Variants in EPHB1 observed in about 807,000 individuals in gnomAD.
EPHB1 encodes the protein EPH receptor B1, also known as ephrin type-B receptor 1.
In EPHB1, 30 loss-of-function variants were observed where a neutral mutation model predicts 94.4. That is an observed-to-expected ratio of 0.32 (90% CI 0.24 to 0.43). The LOEUF is 0.43. Ranked by LOEUF, EPHB1 falls within the 20% of genes least tolerant of loss-of-function variation. EPHB1 has a pLI of 1.00. For synonymous variants in EPHB1, 522 were observed against 489.1 expected, an observed-to-expected ratio of 1.07 and a Z score of -0.89; for missense variants, 1,055 against 1,308.3, an observed-to-expected ratio of 0.81 and a Z score of 2.99.
intron 1 of EPHB1, among the ~76,000 whole-genome samples, chr3:134,901,832 C>A (rs918560979): frequency 6.6e-6 from 1 of 152,226 alleles, no homozygotes; most frequent in Non-Finnish European, 1.5e-5. Context: ...CCCTCAGCCT[C>A]TGTATCTTCA....
chr3:135,037,606 C>A (rs1051975707), intron 3 of EPHB1, among the ~76,000 whole-genome samples: 3 of 152,312 alleles, frequency 2.0e-5, no homozygotes, highest in African/African-American at 7.2e-5. Context: ...GATTTACCAT[C>A]TATCTCCCCA....
At chr3:135,243,510 A>C (rs1943845373) in intron 13 of EPHB1, among the ~76,000 whole-genome samples, 1 of 152,194 alleles carries the variant, frequency 6.6e-6, no homozygotes, top group African/African-American at 2.4e-5. Context: ...CTTCAAAATA[A>C]AGCCCCTAAG....
At chr3:134,869,650 C>T (rs2037457582) in intron 1 of EPHB1, among the ~76,000 whole-genome samples, 1 of 152,188 alleles carries the variant, frequency 6.6e-6, no homozygotes, top group Admixed American at 6.5e-5. Flanking sequence ...AACTTTAAGA[C>T]TCTAAAGCAA....
intron 1 of EPHB1, among the ~76,000 whole-genome samples, chr3:134,874,348 A>G (rs114831322): frequency 0.012 from 1,822 of 152,162 alleles, 38 homozygotes; most frequent in African/African-American, 0.042. Flanking sequence ...GGGTAAAACA[A>G]ACACCGGGGC....
rs1287310701 is a variant in EPHB1, at chr3:134,973,203, CACA to C, written c.805+21158_805+21160del. ...GTGCAGCCCTTTCCAAGGGCAGACA[CACA>C]ACAACAGGATTGCTTTCTCTGGCTG... On this transcript the variant is annotated intron_variant, in intron 3 of 15. Transcript: ENST00000398015. 4.6e-5 allele frequency among the ~76,000 whole-genome samples: 7 copies of C among 152,322 alleles called. No individual in the cohort carries two copies. In the South Asian group the frequency reaches 6.2e-4, roughly 14 times the overall value.
At chr3:134,884,928 A>G (rs2037832377) in intron 1 of EPHB1, among the ~76,000 whole-genome samples, 1 of 152,238 alleles carries the variant, frequency 6.6e-6, no homozygotes, top group Admixed American at 6.5e-5. Context: ...GCTGGAGTTG[A>G]CAGTGCCTGA....
intron 1 of EPHB1, among the ~76,000 whole-genome samples, chr3:134,808,381 T>C (rs1479548415): frequency 2.0e-5 from 3 of 152,102 alleles, no homozygotes; most frequent in Admixed American, 2.0e-4. Flanking sequence ...TCTATGAAAC[T>C]CTATAGCTGA....
At chr3:135,072,266 C>A (rs1937745069) in intron 3 of EPHB1, among the ~76,000 whole-genome samples, 1 of 152,056 alleles carries the variant, frequency 6.6e-6, no homozygotes, top group Non-Finnish European at 1.5e-5. Context: ...CACTAGTAAT[C>A]CCAGCTATTC....
chr3:135,116,826 CCTT>C (rs1234819822), intron 4 of EPHB1, among the ~76,000 whole-genome samples: 1 of 152,216 alleles, frequency 6.6e-6, no homozygotes, highest in Non-Finnish European at 1.5e-5. Context: ...CCTATACTCT[CCTT>C]CATTCTCCAA....
At chr3:135,085,609 A>T (rs759019572) in intron 3 of EPHB1, among the ~76,000 whole-genome samples, 1 of 152,208 alleles carries the variant, frequency 6.6e-6, no homozygotes, top group African/African-American at 2.4e-5. Flanking sequence ...ATAGCATCAC[A>T]AATGTTTGAT....
chr3:134,845,142 G>C (rs1026418142), intron 1 of EPHB1, among the ~76,000 whole-genome samples: 2 of 152,222 alleles, frequency 1.3e-5, no homozygotes, highest in African/African-American at 4.8e-5. Flanking sequence ...TGGGTCAGTA[G>C]AATGCTATTG....
Position 135,156,125 on chromosome 3 carries a change from A to G in EPHB1, c.1422+1849A>G, listed in dbSNP as rs995830252. Reference sequence around the variant, plus strand: ...GCCGGCACTGACTGAGAAGGTGATCACTGTGGGTAGAGCATATCTGATGTG... The same window carrying G: ...GCCGGCACTGACTGAGAAGGTGATCGCTGTGGGTAGAGCATATCTGATGTG... On this transcript the variant is annotated intron_variant, in intron 6 of 15. Transcript: ENST00000398015. 3.9e-5 allele frequency among the ~76,000 whole-genome samples: 6 copies of G among 152,044 alleles called. No individual in the cohort carries two copies. In the South Asian group the frequency reaches 1.2e-3, roughly 31 times the overall value.
At chr3:135,076,246 TATATATATATATATAA>T (rs72415623) in intron 3 of EPHB1, among the ~76,000 whole-genome samples, 1,464 of 145,540 alleles carry the variant, frequency 0.01, 57 homozygotes, top group African/African-American at 0.036. Flanking sequence ...TATATATATA[TATATATATATATATAA>T]CTCTTAAATG....
chr3:135,169,370 C>A (rs1471474108), intron 9 of EPHB1, among the ~76,000 whole-genome samples: 2 of 152,138 alleles, frequency 1.3e-5, no homozygotes, highest in African/African-American at 4.8e-5. Flanking sequence ...GGAAGTCTGT[C>A]CTCTTTTTAA....
intron 3 of EPHB1, among the ~76,000 whole-genome samples, chr3:135,063,322 G>A (rs1330577314): frequency 1.3e-5 from 2 of 152,156 alleles, no homozygotes; most frequent in Non-Finnish European, 2.9e-5. Flanking sequence ...CCATGAGCAT[G>A]GGATGTGTTT....
At chr3:134,933,680 C>G (rs2038945186) in intron 2 of EPHB1, among the ~76,000 whole-genome samples, 1 of 152,144 alleles carries the variant, frequency 6.6e-6, no homozygotes, top group Admixed American at 6.5e-5. Flanking sequence ...TGCCTAAGGT[C>G]TCATGGTGAA....
chr3:134,900,063 C>T (rs912610324), intron 1 of EPHB1, among the ~76,000 whole-genome samples: 8 of 152,168 alleles, frequency 5.3e-5, no homozygotes, highest in East Asian at 1.9e-4. Flanking sequence ...TGGTTAGAAG[C>T]GGGCTCTGGT....
rs1559878160 is a variant in EPHB1, at chr3:135,216,133, A to G, written c.2346+14444A>G. Among the ~76,000 whole-genome samples, 3 of 152,070 alleles carry G rather than the reference A, an allele frequency of 2.0e-5. No homozygotes were observed. The South Asian group carries it at 6.2e-4, about 32-fold the overall frequency. ...GTGGCAACACCTGTGCTGTGACTCA[A>G]CTTCCCAGATGCCCACCCAGCCATC... On this transcript the variant is annotated intron_variant, in intron 12 of 15. Coordinates refer to ENST00000398015, the MANE Select transcript of EPHB1 (RefSeq NM_004441.5).
intron 9 of EPHB1, among the ~76,000 whole-genome samples, chr3:135,169,582 G>T (rs1019101100): frequency 1.1e-4 from 16 of 152,190 alleles, no homozygotes; most frequent in African/African-American, 3.9e-4. Context: ...ATGGTCAAAG[G>T]AATGTAGAGC....
Sources: gnomAD v4.1 joint callset for allele counts (sites outside exome capture counted in the v4.1 genomes callset) on GRCh38, gnomAD v4.1.1 for gene constraint, MANE v1.5 for transcripts, NCBI Gene and HGNC (gene_info 2026-07-23, HGNC 2026-07-21) for gene names.